Variants in RRP1B observed in about 807,000 individuals in gnomAD.
RRP1B encodes ribosomal RNA processing protein 1 homolog B.
In RRP1B, 56 loss-of-function variants were observed where a neutral mutation model predicts 80.2. The ratio of observed to expected loss-of-function variants is 0.70; its 90% CI spans 0.56 to 0.87. The LOEUF (loss-of-function observed/expected upper bound fraction) is 0.87, where lower values mean the gene tolerates loss of function less well. RRP1B is among the 40% of genes least tolerant of loss of function. RRP1B has a pLI of 0.00. For synonymous variants in RRP1B, 351 were observed against 357.6 expected (o/e 0.98, Z 0.21); for missense variants, 807 against 939.8 (o/e 0.86, Z 1.85).
At chr21:43,683,795 C>T (rs2083052314) in intron 9 of RRP1B, among the ~76,000 whole-genome samples, 1 of 151,916 alleles carries the variant, frequency 6.6e-6, no homozygotes, top group Non-Finnish European at 1.5e-5. Flanking sequence ...GCCTGGCCAA[C>T]ACAGTGAAAC....
intron 1 of RRP1B, among the ~76,000 whole-genome samples, chr21:43,666,081 G>A (rs1468419119): frequency 6.6e-6 from 1 of 152,202 alleles, no homozygotes; most frequent in Non-Finnish European, 1.5e-5. Context: ...AGGGTGTGGA[G>A]GGACTCTGTG....
intron 4 of RRP1B, 27 bp from the exon 5 acceptor site, chr21:43,674,609 T>G: frequency 1.4e-6 from 2 of 1,460,580 alleles, no homozygotes; most frequent in Non-Finnish European, 1.9e-6. Flanking sequence ...TTTTTTTTTT[T>G]TTTAAACAAA....
At chr21:43,663,618 C>T (rs1157818107) in intron 1 of RRP1B, among the ~76,000 whole-genome samples, 3 of 152,092 alleles carry the variant, frequency 2.0e-5, no homozygotes, top group African/African-American at 7.2e-5. Flanking sequence ...AGTGCAGTGG[C>T]ACAATCTCGG....
intron 8 of RRP1B, among the ~76,000 whole-genome samples, chr21:43,681,313 C>G (rs902888251): frequency 2.0e-5 from 3 of 148,586 alleles, no homozygotes; most frequent in African/African-American, 7.6e-5. Flanking sequence ...GAATCAAGAA[C>G]CTTTTTTTTC....
rs943075432 is a variant in RRP1B, at chr21:43,694,116, A to G, written c.*733A>G. 18 of 152,416 alleles carry G rather than the reference A, an allele frequency of 1.2e-4. No individual in the cohort carries two copies. The highest frequency in any genetic ancestry group is 4.4e-4 in the African/African-American group (18 of 41,316). 9.4% of individuals were successfully genotyped at this position (152,416 alleles called of 1,614,324 possible). A position where few individuals can be genotyped will look rare whatever the true frequency, so the allele number is the denominator to read the frequency against. On this transcript the variant is annotated 3_prime_UTR_variant, in exon 16 of 16. Coordinates refer to ENST00000340648, the MANE Select transcript of RRP1B (RefSeq NM_015056.3). The stretch of plus-strand genomic sequence containing the variant: ...GCGCAGCCCCCGGCTCTTACCCAGG[A>G]CCCCGCCCCGTGCTGAGCCTTCTGC...
chr21:43,678,876 T>C (rs549340633), intron 8 of RRP1B, among the ~76,000 whole-genome samples: 1 of 152,366 alleles, frequency 6.6e-6, no homozygotes, highest in South Asian at 2.1e-4. Flanking sequence ...AATGCTATCT[T>C]CTACAATTTG....
At chr21:43,689,080 C>G (rs1568960687) in intron 13 of RRP1B, among the ~76,000 whole-genome samples, 1 of 152,240 alleles carries the variant, frequency 6.6e-6, no homozygotes, top group African/African-American at 2.4e-5. Flanking sequence ...TGGCCCTGAT[C>G]CGCTTTTCAC....
At chr21:43,675,240 G>C (rs965814339) in intron 6 of RRP1B, 77 bp downstream of exon 6, 1 of 1,451,740 alleles carries the variant, frequency 6.9e-7, no homozygotes, top group Non-Finnish European at 9.5e-7. Context: ...GAAGTGCTGT[G>C]GGGTGGCCCT....
intron 12 of RRP1B, 107 bp downstream of exon 12, chr21:43,687,042 A>G (rs1277555305): frequency 4.0e-5 from 50 of 1,246,070 alleles, no homozygotes; most frequent in Non-Finnish European, 8.9e-6. Flanking sequence ...GCATTAGCAG[A>G]GCCCAAAGCT....
In RRP1B at chr21:43,690,446, C is replaced by T. The variant is rs372572115; in HGVS notation, c.2019+6C>T. On this transcript the variant is annotated splice_donor_region_variant and intron_variant, in intron 14 of 15. Coordinates refer to ENST00000340648, the MANE Select transcript of RRP1B (RefSeq NM_015056.3). The stretch of plus-strand genomic sequence containing the variant: ...CTCCAGGCCCTGCCGTCCAGGTACG[C>T]ACCCTCCCCAGAGTGGCACAGCACA... 1 of 1,613,532 alleles carries T rather than the reference C, an allele frequency of 6.2e-7. No individual in the cohort carries two copies. Among genetic ancestry groups the T allele is most frequent in the Non-Finnish European group, 8.5e-7 (1 of 1,179,774 alleles).
intron 1 of RRP1B, among the ~76,000 whole-genome samples, chr21:43,668,660 C>T (rs932576106): frequency 6.6e-6 from 1 of 152,062 alleles, no homozygotes; most frequent in African/African-American, 2.4e-5. Flanking sequence ...TGAGCCACCG[C>T]GTCTGGCCCT....
At position 43,684,640 on chromosome 21, in the gene RRP1B, C is replaced by T. The variant is rs751374454; in HGVS notation, c.979C>T (p.Leu327Phe). The T allele has an allele frequency of 3.7e-6, 6 of 1,613,950 alleles. No individual in the cohort carries two copies. The East Asian group carries it at 1.3e-4, about 36-fold the overall frequency. The change falls in exon 10 of 16, where the codon CTC (leucine) becomes TTC (phenylalanine). Residue 327 changes from leucine (L) to phenylalanine (F), a missense_variant. Physicochemically the swap from Leu to Phe is conservative, Grantham distance 22. Transcript: ENST00000340648. ...CTTCAACAGGAAGCGCCTCTCCAAA[C>T]TCATCAAGAAGTCAGTAACTGGGGA... is the stretch of plus-strand genomic sequence containing the variant. ...PHFNRKRLSK[L>F]IKKFQDLSEG... is the part of the protein sequence containing the mutation.
At chr21:43,670,612 G>A (rs1172975085) in intron 2 of RRP1B, among the ~76,000 whole-genome samples, 1 of 152,268 alleles carries the variant, frequency 6.6e-6, no homozygotes, top group Admixed American at 6.5e-5. Flanking sequence ...ACAGCCACAT[G>A]TGGCCCAGGA....
At chr21:43,661,595 C>T (rs763955901) in intron 1 of RRP1B, among the ~76,000 whole-genome samples, 3 of 152,180 alleles carry the variant, frequency 2.0e-5, no homozygotes, top group Admixed American at 6.5e-5. Context: ...CTTCTGCGCC[C>T]GCATATTCCC....
At chr21:43,675,223 C>T (rs577675259) in intron 6 of RRP1B, 60 bp downstream of exon 6, 9 of 1,572,778 alleles carry the variant, frequency 5.7e-6, no homozygotes, top group South Asian at 5.7e-5. Flanking sequence ...TCGCAGTAGT[C>T]GCCAGTGAAG....
intron 10 of RRP1B, 69 bp from the exon 11 acceptor site, chr21:43,685,701 G>A: frequency 8.5e-7 from 1 of 1,181,354 alleles, no homozygotes; most frequent in Non-Finnish European, 1.2e-6. Context: ...GTCTACAGAA[G>A]ACAGAAGGGA....
intron 12 of RRP1B, 56 bp downstream of exon 12, chr21:43,686,991 A>G: frequency 1.3e-6 from 2 of 1,583,042 alleles, no homozygotes; most frequent in East Asian, 2.2e-5. Context: ...AGCGGCATGC[A>G]CCATGGAGGC....
rs769764035 is a variant in RRP1B at position 43,695,093 on chromosome 21, TTAGA to T, written c.*1714_*1717del. 3.3e-5 allele frequency: 5 copies of T among 152,332 alleles called. No homozygotes were observed. Among genetic ancestry groups the T allele is most frequent in the Middle Eastern group, 3.4e-3 (1 of 294 alleles). The allele number at this position is 152,332 out of a possible 1,614,324, so 9.4% of individuals were successfully genotyped here. On this transcript the variant is annotated 3_prime_UTR_variant, in exon 16 of 16. Transcript: ENST00000340648. ...TAGCTGTGGTGGCTTAATGGCTGCA[TTAGA>T]TAGGATCCTCACATCCCATTCAGAA...
At chr21:43,687,454 C>A in intron 12 of RRP1B, 62 bp from the exon 13 acceptor site, 1 of 1,442,534 alleles carries the variant, frequency 6.9e-7, no homozygotes, top group East Asian at 2.3e-5. Flanking sequence ...GTCTGAGAAT[C>A]GCCAGCAGGA....
Sources: allele counts gnomAD v4.1 joint callset (sites outside exome capture counted in the v4.1 genomes callset), GRCh38; gene constraint gnomAD v4.1.1; transcripts MANE v1.5; gene names NCBI Gene and HGNC (gene_info 2026-07-23, HGNC 2026-07-21).